PDE11A: variants seen among roughly 807,000 people sequenced by gnomAD.
PDE11A encodes the protein dual 3',5'-cyclic-AMP and -GMP phosphodiesterase 11A.
PDE11A carries 100 observed loss-of-function variants against 100.5 expected under a neutral mutation model. That is an observed-to-expected ratio of 1.00 (90% CI 0.85 to 1.18). PDE11A has a LOEUF of 1.18. Ranked by LOEUF, PDE11A falls within the 50% of genes most tolerant of loss-of-function variation. The pLI, the probability that PDE11A is intolerant of heterozygous loss-of-function variation, is 0.00. For synonymous variants in PDE11A, 381 were observed against 420.8 expected, an observed-to-expected ratio of 0.91 and a Z score of 1.16; for missense variants, 1,141 against 1,152.6, an observed-to-expected ratio of 0.99 and a Z score of 0.15.
chr2:177,869,621 A>T (rs1319980909), intron 5 of PDE11A, among the ~76,000 whole-genome samples: 1 of 152,210 alleles, frequency 6.6e-6, no homozygotes, highest in Non-Finnish European at 1.5e-5. Context: ...TTGATTAGTT[A>T]TCTTAATTAT....
chr2:177,987,009 C>T (rs2085948408), intron 2 of PDE11A, among the ~76,000 whole-genome samples: 1 of 152,110 alleles, frequency 6.6e-6, no homozygotes, highest in Admixed American at 6.6e-5. Context: ...TCTCAGCAAA[C>T]TTTCTGCAAC....
At chr2:178,011,593 T>C (rs1342263392) in intron 2 of PDE11A, among the ~76,000 whole-genome samples, 1 of 152,178 alleles carries the variant, frequency 6.6e-6, no homozygotes. Context: ...CCACTTGATA[T>C]GAATGTATAG....
chr2:177,858,902 A>G (rs2083892133), intron 5 of PDE11A, among the ~76,000 whole-genome samples: 1 of 152,152 alleles, frequency 6.6e-6, no homozygotes, highest in Non-Finnish European at 1.5e-5. Context: ...TACACCATGG[A>G]ATACTATGCA....
chr2:177,675,218 A>G (rs2080750305), intron 17 of PDE11A, among the ~76,000 whole-genome samples: 1 of 151,860 alleles, frequency 6.6e-6, no homozygotes, highest in Admixed American at 6.6e-5. Context: ...CACATTAAAA[A>G]TATCTTACAG....
chr2:177,885,013 T>G (rs954794175), intron 4 of PDE11A, among the ~76,000 whole-genome samples: 1 of 152,084 alleles, frequency 6.6e-6, no homozygotes, highest in Non-Finnish European at 1.5e-5. Flanking sequence ...TGGGATGGGA[T>G]GTAATGGAGA....
intron 17 of PDE11A, 119 bp downstream of exon 17, chr2:177,675,336 A>G (rs1051365292): frequency 1.3e-6 from 1 of 763,034 alleles, no homozygotes; most frequent in Non-Finnish European, 2.4e-6. Context: ...CACCATGTTA[A>G]TACTGATGCA....
chr2:177,769,440 G>T, intron 9 of PDE11A, 67 bp from the exon 10 acceptor site: 1 of 941,256 alleles, frequency 1.1e-6, no homozygotes, highest in Non-Finnish European at 1.7e-6. Context: ...AATTCTCCTG[G>T]CTTAAAAATA....
chr2:177,930,842 C>T (rs1031162740), intron 2 of PDE11A, among the ~76,000 whole-genome samples: 6 of 152,148 alleles, frequency 3.9e-5, no homozygotes, highest in East Asian at 1.9e-4. Flanking sequence ...ATGAACCAAC[C>T]GGGACCTACT....
chr2:177,792,167 A>G (rs2082642564), intron 9 of PDE11A, among the ~76,000 whole-genome samples: 1 of 152,160 alleles, frequency 6.6e-6, no homozygotes, highest in Admixed American at 6.5e-5. Flanking sequence ...TTTCTTAATC[A>G]TATAGGTTAT....
chr2:177,638,288 C>G (rs902245302), intron 19 of PDE11A, among the ~76,000 whole-genome samples: 40 of 152,164 alleles, frequency 2.6e-4, no homozygotes, highest in African/African-American at 9.4e-4. Context: ...CGTGAGCCAC[C>G]GCGCCCAGCC....
At chr2:177,648,849 A>G (rs1355806161) in intron 19 of PDE11A, among the ~76,000 whole-genome samples, 1 of 152,100 alleles carries the variant, frequency 6.6e-6, no homozygotes, top group Non-Finnish European at 1.5e-5. Flanking sequence ...ACAAACTTGG[A>G]AACATATTTG....
intron 4 of PDE11A, among the ~76,000 whole-genome samples, chr2:177,883,294 A>G (rs2084377213): frequency 6.6e-6 from 1 of 152,012 alleles, no homozygotes; most frequent in African/African-American, 2.4e-5. Flanking sequence ...AAAAGAATGA[A>G]TTAAACAATC....
intron 4 of PDE11A, among the ~76,000 whole-genome samples, chr2:177,891,663 G>T (rs540255556): frequency 2.0e-5 from 3 of 152,300 alleles, no homozygotes; most frequent in African/African-American, 7.2e-5. Flanking sequence ...GACGGCAAAG[G>T]ATTATCTAGA....
At chr2:177,778,629 C>T (rs558684122) in intron 9 of PDE11A, among the ~76,000 whole-genome samples, 1 of 152,254 alleles carries the variant, frequency 6.6e-6, no homozygotes, top group African/African-American at 2.4e-5. Flanking sequence ...CAGCAGTAGT[C>T]CTTAAACTAA....
intron 2 of PDE11A, among the ~76,000 whole-genome samples, chr2:177,906,385 A>G (rs917540471): frequency 6.6e-6 from 1 of 152,170 alleles, no homozygotes; most frequent in African/African-American, 2.4e-5. Flanking sequence ...GTGCAAGGCA[A>G]TTATGCAGAG....
Position 177,669,533 on chromosome 2 carries a change from T to C in PDE11A, c.2522A>G (p.Gln841Arg). Residue 841 changes from glutamine to arginine, a missense_variant, in exon 18 of 20, where the codon CAA becomes CGA. Coordinates refer to ENST00000286063, the MANE Select transcript of PDE11A (RefSeq NM_016953.4). ...GAGCTCTAATCTCTCCCGATCTCCT[T>C]GTTCGAAGAACTCACTGGTTACAAG... ...AELVTSEFFE[Q>R]GDRERLELKL... The C allele has an allele frequency of 6.7e-7, 1 of 1,482,748 alleles. No individual in the cohort carries two copies. Among genetic ancestry groups the C allele is most frequent in the Non-Finnish European group, 9.4e-7 (1 of 1,060,330 alleles). The allele number at this position is 1,482,748 out of a possible 1,614,324, so 91.8% of individuals were successfully genotyped here. A position where few individuals can be genotyped will look rare whatever the true frequency, so the allele number is the denominator to read the frequency against.
At chr2:177,872,651 A>G (rs2084158574) in intron 5 of PDE11A, among the ~76,000 whole-genome samples, 1 of 152,202 alleles carries the variant, frequency 6.6e-6, no homozygotes, top group Admixed American at 6.5e-5. Context: ...AAACTACACT[A>G]TTATAACTCT....
chr2:177,658,452 C>T (rs2080422950), intron 19 of PDE11A, among the ~76,000 whole-genome samples: 1 of 151,698 alleles, frequency 6.6e-6, no homozygotes, highest in East Asian at 1.9e-4. Flanking sequence ...CTTCTCTCCT[C>T]CCCTTCCCTC....
At chr2:178,064,812 G>T (rs1259940004) in intron 1 of PDE11A, among the ~76,000 whole-genome samples, 1 of 151,548 alleles carries the variant, frequency 6.6e-6, no homozygotes, top group Non-Finnish European at 1.5e-5. Context: ...GAAAAAAATA[G>T]ACACCCTAAA....
Sources: gnomAD v4.1 joint callset for allele counts (sites outside exome capture counted in the v4.1 genomes callset) on GRCh38, gnomAD v4.1.1 for gene constraint, MANE v1.5 for transcripts, NCBI Gene and HGNC (gene_info 2026-07-23, HGNC 2026-07-21) for gene names.